The following SLC9C2 variants were observed in gnomAD, a reference collection of about 807,000 sequenced individuals.
The protein encoded by SLC9C2 is solute carrier family 9 member C2 (putative), also known as sodium/hydrogen exchanger 11.
In SLC9C2, 75 loss-of-function variants were observed where a neutral mutation model predicts 140.2. That is an observed-to-expected ratio of 0.53 (90% CI 0.44 to 0.65). SLC9C2 has a LOEUF of 0.65. SLC9C2 is among the 30% of genes least tolerant of loss of function. The pLI, the probability that SLC9C2 is intolerant of heterozygous loss-of-function variation, is 0.00. For synonymous variants in SLC9C2, 375 were observed against 420.9 expected, an observed-to-expected ratio of 0.89 and a Z score of 1.34; for missense variants, 1,074 against 1,331.8, an observed-to-expected ratio of 0.81 and a Z score of 3.01.
chr1:173,560,141 T>C (rs1664002477), intron 9 of SLC9C2, among the ~76,000 whole-genome samples: 1 of 152,252 alleles, frequency 6.6e-6, no homozygotes, highest in Admixed American at 6.5e-5. Flanking sequence ...ACTCTTTATT[T>C]TGGAATTTCA....
chr1:173,581,809 T>G, intron 7 of SLC9C2, 38 bp downstream of exon 7: 1 of 1,468,846 alleles, frequency 6.8e-7, no homozygotes, highest in Non-Finnish European at 9.1e-7. Flanking sequence ...TAAAACTTAC[T>G]TTAAGGACAG....
Position 173,560,364 on chromosome 1 carries a change from G to T in SLC9C2, c.1047-2856C>A, listed in dbSNP as rs1571561539. On this transcript the variant is annotated intron_variant, in intron 9 of 27. Coordinates refer to ENST00000367714, the MANE Select transcript of SLC9C2 (RefSeq NM_178527.4). ...GATTTAAGTGGGCCTGCATGGCTCT[G>T]CCTCTCACTGCACATTGCTCTGGGC... Among the ~76,000 whole-genome samples the T allele has an allele frequency of 2.0e-5, 3 of 152,320 alleles. No individual in the cohort carries two copies. In the South Asian group the frequency reaches 6.2e-4, roughly 32 times the overall value.
At position 173,509,552 on chromosome 1, in the gene SLC9C2, T is replaced by G. The variant is rs545190802; in HGVS notation, c.3039+16A>C. The G allele has an allele frequency of 8.7e-6, 13 of 1,497,910 alleles. No homozygotes were observed. The African/African-American group carries it at 1.7e-4, about 20-fold the overall frequency. The allele number at this position is 1,497,910 out of a possible 1,614,324, so 92.8% of individuals were successfully genotyped here. Reference sequence around the variant, plus strand: ...ATAAAAATTCAATTTATTAATATTTTAATCACATAACTTACCTCATCAATA... The same window carrying G: ...ATAAAAATTCAATTTATTAATATTTGAATCACATAACTTACCTCATCAATA... On this transcript the variant is annotated intron_variant, in intron 24 of 27. Coordinates refer to ENST00000367714, the MANE Select transcript of SLC9C2 (RefSeq NM_178527.4).
chr1:173,597,999 A>T lies in SLC9C2; in HGVS notation c.262T>A (p.Ser88Thr). 6.3e-7 allele frequency: 1 copy of T among 1,598,350 alleles called. No homozygotes were observed. The highest frequency in any genetic ancestry group is 8.5e-7 in the Non-Finnish European group (1 of 1,171,810). The change falls in exon 4 of 28, where the codon TCA (serine) becomes ACA (threonine). Residue 88 changes from serine to threonine, a missense_variant. Ser to Thr is a moderately conservative substitution (Grantham distance 58, BLOSUM62 1). Coordinates refer to ENST00000367714, the MANE Select transcript of SLC9C2 (RefSeq NM_178527.4). ...AAGTAAGAATAAAGTGAAAAACTTG[A>T]TGTTCTTAGAAGAGGGTAGACAATT... is the stretch of plus-strand genomic sequence containing the variant. ...HQIVYPLLRT[S>T]SFSLYSYFSP...
intron 26 of SLC9C2, among the ~76,000 whole-genome samples, chr1:173,504,089 A>C: frequency 6.6e-6 from 1 of 152,122 alleles, no homozygotes; most frequent in East Asian, 1.9e-4. Context: ...CCCAAGAGTG[A>C]TTTGAAAGCA....
At chr1:173,562,176 C>G (rs1433117512) in intron 9 of SLC9C2, among the ~76,000 whole-genome samples, 1 of 152,128 alleles carries the variant, frequency 6.6e-6, no homozygotes, top group Non-Finnish European at 1.5e-5. Flanking sequence ...GAAAAACATT[C>G]AGAGCTCCCT....
chr1:173,528,742 T>C (rs1252568954), intron 18 of SLC9C2, among the ~76,000 whole-genome samples: 1 of 152,190 alleles, frequency 6.6e-6, no homozygotes, highest in African/African-American at 2.4e-5. Context: ...ATCATTGTAG[T>C]AATCAGGATT....
At position 173,517,661 on chromosome 1, in the gene SLC9C2, C is replaced by A. The variant is rs749636756; in HGVS notation, c.2783G>T (p.Arg928Met). ...CATGTCTCTGGACCCTCTATCACAC[C>A]TTTGATTACTCTCTATTCCAAAGGT... Reference protein sequence around the residue: ...SPTFGIESNQRCDRGSRDMFT... With the variant: ...SPTFGIESNQMCDRGSRDMFT... The change falls in exon 23 of 28, where the codon AGG becomes ATG. Residue 928 changes from arginine (R) to methionine (M), a missense_variant. Transcript: ENST00000367714. 1.9e-6 allele frequency: 3 copies of A among 1,613,652 alleles called. No individual in the cohort carries two copies. In the Admixed American group the frequency reaches 5.0e-5, roughly 27 times the overall value.
At chr1:173,547,571 T>C in intron 13 of SLC9C2, 118 bp downstream of exon 13, 1 of 666,346 alleles carries the variant, frequency 1.5e-6, no homozygotes, top group Non-Finnish European at 2.4e-6. Flanking sequence ...CACACATTAA[T>C]TTTAACAATC....
intron 23 of SLC9C2, among the ~76,000 whole-genome samples, chr1:173,513,506 C>T (rs1660193128): frequency 6.6e-6 from 1 of 152,118 alleles, no homozygotes; most frequent in East Asian, 1.9e-4. Context: ...GTGGTGATAT[C>T]CCCTTTATCA....
intron 5 of SLC9C2, among the ~76,000 whole-genome samples, chr1:173,584,731 T>C (rs1340809636): frequency 6.6e-6 from 1 of 152,194 alleles, no homozygotes; most frequent in Non-Finnish European, 1.5e-5. Flanking sequence ...AAACTTTTTC[T>C]CAGGATTTCT....
chr1:173,573,021 C>G (rs1161050167), intron 9 of SLC9C2, among the ~76,000 whole-genome samples, 161 bp downstream of exon 9: 1 of 152,180 alleles, frequency 6.6e-6, no homozygotes, highest in Non-Finnish European at 1.5e-5. Flanking sequence ...TAAACACTTA[C>G]CCCAAGTTGC....
At chr1:173,576,418 G>C (rs1036358691) in intron 8 of SLC9C2, among the ~76,000 whole-genome samples, 5 of 152,130 alleles carry the variant, frequency 3.3e-5, no homozygotes, top group Non-Finnish European at 7.3e-5. Context: ...ATTTTTGTCA[G>C]GTTACATATA....
intron 23 of SLC9C2, among the ~76,000 whole-genome samples, chr1:173,512,559 C>A (rs1181468852): frequency 6.6e-6 from 1 of 152,140 alleles, no homozygotes; most frequent in Non-Finnish European, 1.5e-5. Flanking sequence ...TGGACTGAGA[C>A]AATGGGGTTT....
At chr1:173,515,730 G>A (rs927542037) in intron 23 of SLC9C2, among the ~76,000 whole-genome samples, 7 of 152,124 alleles carry the variant, frequency 4.6e-5, no homozygotes, top group Admixed American at 3.9e-4. Flanking sequence ...TCATGTATAG[G>A]GGAAGAGGCA....
At chr1:173,580,691 G>A (rs966271164) in intron 7 of SLC9C2, among the ~76,000 whole-genome samples, 6 of 152,178 alleles carry the variant, frequency 3.9e-5, no homozygotes, top group African/African-American at 1.4e-4. Context: ...GTGAACCGTA[G>A]AGAGGTTAAG....
intron 12 of SLC9C2, 67 bp downstream of exon 12, chr1:173,548,322 G>C (rs934698103): frequency 3.7e-5 from 55 of 1,468,000 alleles, no homozygotes; most frequent in Non-Finnish European, 4.7e-5. Context: ...TTTAACAATA[G>C]GCTAAAGCAA....
At chr1:173,536,036 A>T (rs1661931133) in intron 14 of SLC9C2, 87 bp from the exon 15 acceptor site, 13 of 1,171,282 alleles carry the variant, frequency 1.1e-5, no homozygotes, top group African/African-American at 1.7e-5. Flanking sequence ...TGTACTAAGT[A>T]TAAATTTAAT....
Position 173,537,405 on chromosome 1 carries a change from A to C in SLC9C2, c.1558-366T>G, listed in dbSNP as rs573775479. Among the ~76,000 whole-genome samples, 6 of 152,152 alleles carry C rather than the reference A, an allele frequency of 3.9e-5. No individual in the cohort carries two copies. In the South Asian group the frequency reaches 1.2e-3, roughly 32 times the overall value. The stretch of plus-strand genomic sequence containing the variant: ...GTGAAACCCCCCATCTCTACCAAAA[A>C]TACAAAATTAGCCGGGCATGATGGC... On this transcript the variant is annotated intron_variant, in intron 13 of 27. Transcript: ENST00000367714.
Sources: gnomAD v4.1 joint callset for allele counts (sites outside exome capture counted in the v4.1 genomes callset) on GRCh38, gnomAD v4.1.1 for gene constraint, MANE v1.5 for transcripts, NCBI Gene and HGNC (gene_info 2026-07-23, HGNC 2026-07-21) for gene names.